The following DCC variants were observed in gnomAD, a reference collection of about 807,000 sequenced individuals.
DCC encodes the protein netrin receptor DCC.
In DCC, 58 loss-of-function variants were observed where a neutral mutation model predicts 172.5. The observed-to-expected ratio is 0.34, with a 90% CI of 0.27 to 0.42. The LOEUF is 0.42. Among genes scored for constraint, DCC ranks in the 10% least tolerant of loss-of-function variants. DCC has a pLI of 1.00. For missense variants in DCC, 1,740 were observed against 1,791.0 expected, an observed-to-expected ratio of 0.97 and a Z score of 0.51; for synonymous variants, 709 against 644.5, an observed-to-expected ratio of 1.10 and a Z score of -1.52.
At chr18:53,529,038 TCACACACACACACACACA>T (rs140593675) in intron 28 of DCC, among the ~76,000 whole-genome samples, 5 of 65,266 alleles carry the variant, frequency 7.7e-5, no homozygotes, top group African/African-American at 1.7e-4. Context: ...TCTCTCTCTC[TCACACACACACACACACA>T]CACACACACA....
At chr18:52,420,044 C>T (rs2144430701) in intron 1 of DCC, among the ~76,000 whole-genome samples, 1 of 152,230 alleles carries the variant, frequency 6.6e-6, no homozygotes, top group African/African-American at 2.4e-5. Flanking sequence ...TGTATTTAAC[C>T]ATTGTGTGTT....
intron 13 of DCC, among the ~76,000 whole-genome samples, chr18:53,314,274 C>G (rs1008475453): frequency 6.6e-6 from 1 of 152,104 alleles, no homozygotes; most frequent in Non-Finnish European, 1.5e-5. Flanking sequence ...CATGCACTTA[C>G]TTGGGTATAA....
intron 1 of DCC, among the ~76,000 whole-genome samples, chr18:52,589,360 A>G (rs1310677932): frequency 6.6e-6 from 1 of 152,246 alleles, no homozygotes; most frequent in Non-Finnish European, 1.5e-5. Context: ...TACAAAATGA[A>G]TGTAGTGTTC....
intron 2 of DCC, among the ~76,000 whole-genome samples, chr18:52,761,265 A>G (rs552593285): frequency 8.5e-5 from 13 of 152,324 alleles, no homozygotes; most frequent in Admixed American, 8.5e-4. Flanking sequence ...TACCATGAGA[A>G]CAGTATGGGA....
At position 52,864,779 on chromosome 18, in the gene DCC, T is replaced by C. The variant is rs183471850; in HGVS notation, c.413-41265T>C. 2.1e-3 allele frequency among the ~76,000 whole-genome samples: 323 copies of C among 152,174 alleles called. 2 individuals are homozygous for C. The highest frequency in any genetic ancestry group is 7.4e-3 in the African/African-American group (308 of 41,520). Reference sequence around the variant, plus strand: ...ACTTATGAGTGAGAACATGTGGTGTTTGGTTTTCTCTTCTTGTGTTAGTTT... The same window carrying C: ...ACTTATGAGTGAGAACATGTGGTGTCTGGTTTTCTCTTCTTGTGTTAGTTT... On this transcript the variant is annotated intron_variant, in intron 2 of 28. Coordinates refer to ENST00000442544, the MANE Select transcript of DCC (RefSeq NM_005215.4).
At chr18:53,017,942 T>C (rs2041831182) in intron 5 of DCC, among the ~76,000 whole-genome samples, 1 of 152,202 alleles carries the variant, frequency 6.6e-6, no homozygotes, top group Admixed American at 6.5e-5. Context: ...TTCCTAAGTT[T>C]AGAACATTTG....
chr18:52,954,854 G>C (rs1185818316), intron 5 of DCC, among the ~76,000 whole-genome samples: 1 of 152,126 alleles, frequency 6.6e-6, no homozygotes, highest in African/African-American at 2.4e-5. Context: ...CTGAATACCA[G>C]CTTAAGTTAT....
At chr18:53,073,918 T>C (rs762146666) in intron 7 of DCC, among the ~76,000 whole-genome samples, 2 of 151,158 alleles carry the variant, frequency 1.3e-5, no homozygotes, top group Non-Finnish European at 2.9e-5. Flanking sequence ...TATAATATAA[T>C]TACATTATAA....
chr18:52,495,781 A>G (rs973041684), intron 1 of DCC, among the ~76,000 whole-genome samples: 7 of 140,020 alleles, frequency 5.0e-5, no homozygotes, highest in Admixed American at 4.9e-4. Flanking sequence ...TTTTTTTTTT[A>G]GCAATTTGGA....
intron 27 of DCC, among the ~76,000 whole-genome samples, chr18:53,525,351 A>G (rs946552633): frequency 1.3e-5 from 2 of 152,060 alleles, no homozygotes; most frequent in African/African-American, 2.4e-5. Context: ...TTCATGTTTC[A>G]TTTCGCTTCT....
intron 2 of DCC, among the ~76,000 whole-genome samples, chr18:52,815,417 CA>C (rs2038276712): frequency 8.8e-6 from 1 of 113,142 alleles, no homozygotes; most frequent in South Asian, 2.5e-4. Flanking sequence ...CACGTACACA[CA>C]CACACACACA....
chr18:52,592,371 G>T (rs1318034144), intron 1 of DCC, among the ~76,000 whole-genome samples: 1 of 152,092 alleles, frequency 6.6e-6, no homozygotes, highest in Non-Finnish European at 1.5e-5. Context: ...CAAGATCCTT[G>T]GTCAAAACTG....
chr18:52,638,710 A>G (rs1012852858), intron 1 of DCC, among the ~76,000 whole-genome samples: 1 of 152,120 alleles, frequency 6.6e-6, no homozygotes, highest in Non-Finnish European at 1.5e-5. Context: ...GTAATGAGAT[A>G]GACAGAAATG....
At chr18:52,503,728 C>G (rs548325571) in intron 1 of DCC, among the ~76,000 whole-genome samples, 1 of 152,174 alleles carries the variant, frequency 6.6e-6, no homozygotes, top group South Asian at 2.1e-4. Context: ...ATTGCAGGGT[C>G]CTCCATTATA....
intron 5 of DCC, among the ~76,000 whole-genome samples, chr18:52,987,000 C>G (rs1366297443): frequency 6.6e-6 from 1 of 151,948 alleles, no homozygotes; most frequent in Non-Finnish European, 1.5e-5. Context: ...TTTTTTGTAT[C>G]TTCAGTAGAG....
chr18:53,245,236 C>T (rs1473541422), intron 12 of DCC, among the ~76,000 whole-genome samples: 1 of 152,134 alleles, frequency 6.6e-6, no homozygotes, highest in African/African-American at 2.4e-5. Flanking sequence ...AGCTGCTTCT[C>T]TGTCATCTGC....
intron 12 of DCC, among the ~76,000 whole-genome samples, chr18:53,249,374 T>C (rs2056401738): frequency 6.6e-6 from 1 of 151,964 alleles, no homozygotes; most frequent in Non-Finnish European, 1.5e-5. Flanking sequence ...GGCTAAATAT[T>C]GATGGAAGAG....
At chr18:53,349,054 T>C (rs947355402) in intron 15 of DCC, among the ~76,000 whole-genome samples, 2 of 152,234 alleles carry the variant, frequency 1.3e-5, no homozygotes, top group Non-Finnish European at 2.9e-5. Context: ...TATCACATTG[T>C]CTGGCTGCAA....
intron 1 of DCC, among the ~76,000 whole-genome samples, chr18:52,487,640 G>A (rs539776046): frequency 1.1e-4 from 17 of 151,908 alleles, no homozygotes; most frequent in East Asian, 2.0e-4. Context: ...GTGAAATTCC[G>A]TCTTTACTAG....
Sources: gnomAD v4.1 joint callset for allele counts (sites outside exome capture counted in the v4.1 genomes callset) on GRCh38, gnomAD v4.1.1 for gene constraint, MANE v1.5 for transcripts, NCBI Gene and HGNC (gene_info 2026-07-23, HGNC 2026-07-21) for gene names.